SGCD: variants seen among roughly 807,000 people sequenced by gnomAD.
SGCD encodes the protein sarcoglycan delta.
A neutral mutation model predicts 36.6 loss-of-function variants in SGCD; 18 were observed. The observed-to-expected ratio is 0.49, with a 90% CI of 0.34 to 0.73. The LOEUF (loss-of-function observed/expected upper bound fraction) is 0.73. Ranked by LOEUF, SGCD falls within the 30% of genes least tolerant of loss-of-function variation. The pLI, the probability that SGCD is intolerant of heterozygous loss-of-function variation, is 0.01. For missense variants in SGCD, 387 were observed against 346.7 expected, an observed-to-expected ratio of 1.12 and a Z score of -0.92; for synonymous variants, 133 against 130.6, an observed-to-expected ratio of 1.02 and a Z score of -0.12.
chr5:156,480,382 G>A (rs1003169708), intron 3 of SGCD, among the ~76,000 whole-genome samples: 2 of 152,194 alleles, frequency 1.3e-5, no homozygotes, highest in African/African-American at 4.8e-5. Context: ...AGCTGCTCCA[G>A]GCATTACATT....
intron 3 of SGCD, among the ~76,000 whole-genome samples, chr5:156,482,243 G>A (rs1474760689): frequency 6.6e-6 from 1 of 151,720 alleles, no homozygotes; most frequent in Admixed American, 6.6e-5. Context: ...GTTCGTGCTG[G>A]AAGTTTTCAA....
At chr5:156,722,098 A>T (rs544802527) in intron 7 of SGCD, among the ~76,000 whole-genome samples, 1 of 152,206 alleles carries the variant, frequency 6.6e-6, no homozygotes, top group Non-Finnish European at 1.5e-5. Flanking sequence ...GAGCGAAATC[A>T]TATTTCACTG....
the SGCD span, among the ~76,000 whole-genome samples, chr5:155,848,571 TA>T: frequency 6.6e-6 from 1 of 152,218 alleles, no homozygotes; most frequent in East Asian, 1.9e-4. Context: ...CTTGTCAAGT[TA>T]AAATGTTCCA....
chr5:156,169,629 C>T (rs1763296332), intron 3 of SGCD, among the ~76,000 whole-genome samples: 1 of 152,128 alleles, frequency 6.6e-6, no homozygotes, highest in East Asian at 1.9e-4. Context: ...AAAAATAGAG[C>T]AGATGCTGGA....
intron 7 of SGCD, among the ~76,000 whole-genome samples, chr5:156,710,178 A>G (rs1295349461): frequency 6.6e-6 from 1 of 152,206 alleles, no homozygotes; most frequent in Non-Finnish European, 1.5e-5. Context: ...CAGAAAATGC[A>G]TATATTTATA....
At chr5:156,708,990 C>G (rs955338810) in intron 7 of SGCD, among the ~76,000 whole-genome samples, 1 of 151,910 alleles carries the variant, frequency 6.6e-6, no homozygotes, top group Non-Finnish European at 1.5e-5. Context: ...CCTCTCCTCT[C>G]GGTACCATCT....
the SGCD span, among the ~76,000 whole-genome samples, chr5:155,832,760 T>C: frequency 6.6e-6 from 1 of 152,222 alleles, no homozygotes; most frequent in Non-Finnish European, 1.5e-5. Context: ...TACTTTTGTG[T>C]AGAGAATTAT....
chr5:155,965,147 G>A (rs1036844792), intron 1 of SGCD, among the ~76,000 whole-genome samples: 1 of 152,212 alleles, frequency 6.6e-6, no homozygotes. Flanking sequence ...ACACAAAGAG[G>A]GTTGAAGGTG....
At chr5:156,469,400 A>G (rs1204083624) in intron 3 of SGCD, among the ~76,000 whole-genome samples, 7 of 152,232 alleles carry the variant, frequency 4.6e-5, no homozygotes, top group Admixed American at 4.6e-4. Flanking sequence ...TTAAGAAATC[A>G]TTCCCTAAAA....
chr5:156,726,837 G>C (rs1286525905), intron 7 of SGCD, among the ~76,000 whole-genome samples: 1 of 152,166 alleles, frequency 6.6e-6, no homozygotes, highest in Admixed American at 6.6e-5. Flanking sequence ...AGAATGGTTG[G>C]GTTCAAAACC....
chr5:155,975,603 TCTTTCC>T (rs1364658341), intron 1 of SGCD, among the ~76,000 whole-genome samples: 1 of 144,828 alleles, frequency 6.9e-6, no homozygotes, highest in East Asian at 2.0e-4. Context: ...TATTTTTCTT[TCTTTCC>T]TTTTTTTTTT....
At chr5:155,874,411 C>G (rs575233470) in intron 1 of SGCD, among the ~76,000 whole-genome samples, 247 of 151,982 alleles carry the variant, frequency 1.6e-3, no homozygotes, top group African/African-American at 5.8e-3. Flanking sequence ...AAAAAGAACA[C>G]AAAAGTATAA....
intron 1 of SGCD, among the ~76,000 whole-genome samples, chr5:156,327,749 A>G (rs1053140524): frequency 8.5e-5 from 13 of 152,162 alleles, no homozygotes; most frequent in African/African-American, 3.1e-4. Context: ...GTCGAAACAG[A>G]TATGTGTGTA....
chr5:156,116,514 G>C (rs1019559565), intron 1 of SGCD, among the ~76,000 whole-genome samples: 6 of 152,042 alleles, frequency 3.9e-5, no homozygotes, highest in Non-Finnish European at 8.8e-5. Context: ...GAGATGAAAA[G>C]AGTACTCACA....
At chr5:156,274,464 A>AT (rs143174874) in intron 3 of SGCD, among the ~76,000 whole-genome samples, 8,647 of 152,108 alleles carry the variant, frequency 0.057, 740 homozygotes, top group African/African-American at 0.18. Context: ...ACATAAAGTC[A>AT]TTTTTTAAAA....
intron 3 of SGCD, among the ~76,000 whole-genome samples, chr5:156,166,740 T>C (rs1278601046): frequency 6.6e-6 from 1 of 152,150 alleles, no homozygotes; most frequent in Middle Eastern, 3.2e-3. Context: ...AGGGAAGAAG[T>C]TTTAGACAAC....
chr5:156,071,249 C>T (rs559262373), intron 1 of SGCD, among the ~76,000 whole-genome samples: 24 of 152,310 alleles, frequency 1.6e-4, no homozygotes, highest in African/African-American at 5.5e-4. Context: ...ATCTTTCCTG[C>T]TTTCTCTTGT....
Position 156,211,334 on chromosome 5 carries a change from G to A in SGCD, c.-44+87315G>A, listed in dbSNP as rs563502408. Among the ~76,000 whole-genome samples, 125 of 152,298 alleles carry A rather than the reference G, an allele frequency of 8.2e-4. 2 individuals are homozygous for A. The Middle Eastern group carries it at 0.01, about 12-fold the overall frequency. The stretch of plus-strand genomic sequence containing the variant: ...ATCCTTAAAGATGCAAGGGCCAGGC[G>A]CGGTGGCTCAAGCCTGTAATCCCAG... On this transcript the variant is annotated intron_variant, in intron 3 of 9. Transcript: ENST00000517913.
chr5:155,941,547 T>G (rs1199075316), intron 1 of SGCD, among the ~76,000 whole-genome samples: 5 of 151,022 alleles, frequency 3.3e-5, no homozygotes, highest in African/African-American at 9.7e-5. Flanking sequence ...GATATTATTA[T>G]TTAAATAATT....
Sources: allele counts gnomAD v4.1 joint callset (sites outside exome capture counted in the v4.1 genomes callset), GRCh38; gene constraint gnomAD v4.1.1; transcripts MANE v1.5; gene names NCBI Gene and HGNC (gene_info 2026-07-23, HGNC 2026-07-21).